The following ZNF469 variants were observed in gnomAD, a reference collection of about 807,000 sequenced individuals.
ZNF469 encodes the protein zinc finger protein 469.
Under a neutral mutation model 1.0 loss-of-function variants are expected in ZNF469, and 1 was observed. The ratio of observed to expected loss-of-function variants is 1.00; its 90% CI spans 0.35 to 4.73. The LOEUF is 4.73. Ranked by LOEUF, ZNF469 falls within the 30% of genes most tolerant of loss-of-function variation. The pLI, the probability that ZNF469 is intolerant of heterozygous loss-of-function variation, is 0.16. For missense variants in ZNF469, 6,100 were observed against 5,356.3 expected (o/e 1.14, Z -4.33); for synonymous variants, 2,703 against 2,363.4 (o/e 1.14, Z -4.17).
intron 1 of ZNF469, among the ~76,000 whole-genome samples, chr16:88,404,723 G>C (rs1904979559): frequency 6.6e-6 from 1 of 152,102 alleles, no homozygotes; most frequent in Non-Finnish European, 1.5e-5. Context: ...GGGTGAGTGT[G>C]AGTGGCATTA....
rs918963104 is a variant in ZNF469, at chr16:88,436,761, G to C, written c.9291G>C (p.Gly3097=). The C allele has an allele frequency of 2.6e-6, 4 of 1,547,144 alleles. No homozygotes were observed. The highest frequency in any genetic ancestry group is 2.6e-6 in the Non-Finnish European group (3 of 1,146,230). ...PQSRRTEEAA[G]AGRAQGRGRP... is the part of the protein sequence containing the mutation. ...GCCGAAGGACAGAGGAGGCTGCAGGGGCAGGGAGGGCCCAAGGCAGAGGCC... is the reference window on the plus strand; with the variant it reads ...GCCGAAGGACAGAGGAGGCTGCAGGCGCAGGGAGGGCCCAAGGCAGAGGCC... Residue 3097 remains glycine (G), a synonymous_variant, in exon 3 of 3, where the codon GGG becomes GGC. Transcript: ENST00000565624.
the ZNF469 span, among the ~76,000 whole-genome samples, chr16:88,331,653 C>T: frequency 3.3e-5 from 5 of 151,214 alleles, no homozygotes; most frequent in African/African-American, 1.2e-4. Context: ...ATCATCACCA[C>T]CATCATCATC....
At chr16:88,318,206 G>T in the ZNF469 span, among the ~76,000 whole-genome samples, 1 of 152,222 alleles carries the variant, frequency 6.6e-6, no homozygotes, top group Non-Finnish European at 1.5e-5. Context: ...GGAGGCCGCT[G>T]GTTCTCCAGG....
In ZNF469 at chr16:88,383,244, T is replaced by C. The variant is rs2092530074; in HGVS notation, c.-202T>C. 6.8e-6 allele frequency among the ~76,000 whole-genome samples: 1 copy of C among 146,412 alleles called. No homozygotes were observed. Among genetic ancestry groups the C allele is most frequent in the African/African-American group, 2.5e-5 (1 of 40,542 alleles). On this transcript the variant is annotated 5_prime_UTR_variant, in exon 1 of 3. Transcript: ENST00000565624. ...GCCGGCGTGGCGGGCGGAGCGGGCCTCGGAGCGGAGGTGAGTGCGGATGCG... is the reference window on the plus strand; with the variant it reads ...GCCGGCGTGGCGGGCGGAGCGGGCCCCGGAGCGGAGGTGAGTGCGGATGCG...
the ZNF469 span, among the ~76,000 whole-genome samples, chr16:88,374,803 G>A: frequency 2.4e-5 from 2 of 83,072 alleles, no homozygotes; most frequent in Non-Finnish European, 7.1e-5. Context: ...ACGCTGCTGA[G>A]CTGTGAGCGG....
At chr16:88,148,184 A>G in the ZNF469 span, among the ~76,000 whole-genome samples, 1 of 152,214 alleles carries the variant, frequency 6.6e-6, no homozygotes, top group East Asian at 1.9e-4. Flanking sequence ...CCTCCCACGC[A>G]TCAATGTGTG....
At chr16:88,293,003 T>A in the ZNF469 span, among the ~76,000 whole-genome samples, 4 of 152,164 alleles carry the variant, frequency 2.6e-5, no homozygotes, top group Non-Finnish European at 5.9e-5. Flanking sequence ...AAGATTGAGA[T>A]CAATGGCATG....
the ZNF469 span, among the ~76,000 whole-genome samples, chr16:88,214,064 G>C: frequency 3.9e-5 from 6 of 152,294 alleles, no homozygotes; most frequent in African/African-American, 1.4e-4. Context: ...TCTTGTCTTG[G>C]CTGCAGAAGT....
the ZNF469 span, among the ~76,000 whole-genome samples, chr16:88,144,942 C>T: frequency 2.1e-3 from 310 of 151,102 alleles, 5 homozygotes; most frequent in African/African-American, 7.2e-3. Flanking sequence ...CTCCGCCTTC[C>T]GGGCCCATGC....
At chr16:88,215,990 T>A in the ZNF469 span, among the ~76,000 whole-genome samples, 1 of 152,208 alleles carries the variant, frequency 6.6e-6, no homozygotes, top group Admixed American at 6.5e-5. Flanking sequence ...TGCTTTCTAT[T>A]CCATTCTGCA....
the ZNF469 span, among the ~76,000 whole-genome samples, chr16:88,269,939 C>G: frequency 6.6e-6 from 1 of 152,080 alleles, no homozygotes; most frequent in Non-Finnish European, 1.5e-5. Flanking sequence ...CCATGGAGCC[C>G]CGGCTCCTTT....
chr16:88,143,290 G>A, the ZNF469 span, among the ~76,000 whole-genome samples: 1 of 152,260 alleles, frequency 6.6e-6, no homozygotes, highest in Admixed American at 6.5e-5. Context: ...CCATGAAGAT[G>A]GAATAGGTTA....
At chr16:88,115,390 G>C in the ZNF469 span, among the ~76,000 whole-genome samples, 1 of 151,914 alleles carries the variant, frequency 6.6e-6, no homozygotes, top group Non-Finnish European at 1.5e-5. Context: ...GATCAGCCAA[G>C]GTTGCTCCTC....
rs1905957029 is a variant in ZNF469 at position 88,429,368 on chromosome 16, C to T, written c.1898C>T (p.Ala633Val). ...CTCCCCGGCCCCCTCGGGCCCTCGG[C>T]CTTCTTCCACCCACCCACTCACCCC... ...SQLPGPLGPS[A>V]FFHPPTHPQE... The change falls in exon 3 of 3, where the codon GCC becomes GTC. Residue 633 changes from alanine to valine, a missense_variant. Transcript: ENST00000565624. 2 of 1,549,794 alleles carry T rather than the reference C, an allele frequency of 1.3e-6. No individual in the cohort carries two copies. The highest frequency in any genetic ancestry group is 2.7e-5 in the African/African-American group (2 of 73,146).
the ZNF469 span, among the ~76,000 whole-genome samples, chr16:88,185,208 C>T: frequency 2.0e-5 from 3 of 149,190 alleles, no homozygotes; most frequent in Middle Eastern, 6.9e-3. Flanking sequence ...GGGACACCCA[C>T]GCATAGACAC....
the ZNF469 span, among the ~76,000 whole-genome samples, chr16:88,267,487 C>T: frequency 3.3e-5 from 5 of 152,236 alleles, no homozygotes; most frequent in East Asian, 7.7e-4. Context: ...ATGCCCAGGG[C>T]TGGTCCACCA....
At chr16:88,325,242 C>A in the ZNF469 span, among the ~76,000 whole-genome samples, 1 of 151,742 alleles carries the variant, frequency 6.6e-6, no homozygotes, top group African/African-American at 2.4e-5. Context: ...CTCAAGTCCT[C>A]ACCGGCACAC....
chr16:88,384,742 A>C (rs898877601), intron 1 of ZNF469, among the ~76,000 whole-genome samples: 6 of 152,220 alleles, frequency 3.9e-5, no homozygotes, highest in Non-Finnish European at 8.8e-5. Context: ...CGAGGCTGGC[A>C]GCTCTGGGCA....
the ZNF469 span, among the ~76,000 whole-genome samples, chr16:88,185,657 A>G: frequency 2.6e-5 from 4 of 151,312 alleles, no homozygotes; most frequent in South Asian, 6.3e-4. Context: ...AATATAGTAT[A>G]TGCACACACT....
Sources: gnomAD v4.1 joint callset for allele counts (sites outside exome capture counted in the v4.1 genomes callset) on GRCh38, gnomAD v4.1.1 for gene constraint, MANE v1.5 for transcripts, NCBI Gene and HGNC (gene_info 2026-07-23, HGNC 2026-07-21) for gene names.